KIAA0319L: variants seen among roughly 807,000 people sequenced by gnomAD.
KIAA0319L encodes dyslexia-associated protein KIAA0319-like protein.
KIAA0319L carries 55 observed loss-of-function variants against 120.1 expected under a neutral mutation model. The observed-to-expected ratio is 0.46, with a 90% CI of 0.37 to 0.57. The LOEUF is 0.57. KIAA0319L is among the 20% of genes least tolerant of loss of function. The pLI, the probability that KIAA0319L is intolerant of heterozygous loss-of-function variation, is 0.00. For missense variants in KIAA0319L, 1,049 were observed against 1,255.3 expected (o/e 0.84, Z 2.48); for synonymous variants, 398 against 471.9 (o/e 0.84, Z 2.03).
intron 2 of KIAA0319L, among the ~76,000 whole-genome samples, chr1:35,521,955 A>C (rs769226705): frequency 2.0e-5 from 3 of 152,062 alleles, no homozygotes; most frequent in Admixed American, 1.3e-4. Context: ...CCTGGGTGAC[A>C]GAGCGAGACT....
At chr1:35,504,889 C>T (rs1056065477) in intron 3 of KIAA0319L, among the ~76,000 whole-genome samples, 19 of 152,206 alleles carry the variant, frequency 1.2e-4, no homozygotes, top group Admixed American at 3.3e-4. Flanking sequence ...TCTCTTTCTC[C>T]GTTTGCCCAG....
rs565809928 is a variant in KIAA0319L at position 35,556,402 on chromosome 1, T to C, written c.-29+805A>G. The C allele has an allele frequency of 3.3e-5, 5 of 152,348 alleles. No individual in the cohort carries two copies. In the East Asian group the frequency reaches 5.8e-4, roughly 18 times the overall value. 9.4% of individuals were successfully genotyped at this position (152,348 alleles called of 1,614,324 possible). A position where few individuals can be genotyped will look rare whatever the true frequency, so the allele number is the denominator to read the frequency against. On this transcript the variant is annotated intron_variant, in intron 1 of 20. Coordinates refer to ENST00000325722, the MANE Select transcript of KIAA0319L (RefSeq NM_024874.5). ...AAACAATCTATTCAGTTGGTATGAG[T>C]AATCGAGAATAAAGCTCTTTTTTAA...
chr1:35,465,957 C>G (rs1244529044), intron 7 of KIAA0319L, among the ~76,000 whole-genome samples: 1 of 152,170 alleles, frequency 6.6e-6, no homozygotes, highest in Non-Finnish European at 1.5e-5. Flanking sequence ...GCCTCCCCAG[C>G]CACGTGGAAC....
intron 3 of KIAA0319L, among the ~76,000 whole-genome samples, chr1:35,480,486 T>A (rs1356687514): frequency 1.3e-5 from 2 of 151,944 alleles, no homozygotes; most frequent in African/African-American, 4.8e-5. Flanking sequence ...ATGGATTTTT[T>A]AAAAATCAAA....
intron 2 of KIAA0319L, among the ~76,000 whole-genome samples, chr1:35,526,384 CATACATATAT>C (rs1310854993): frequency 9.0e-6 from 1 of 110,836 alleles, no homozygotes; most frequent in African/African-American, 4.5e-5. Context: ...TATATATATA[CATACATATAT>C]ATATATATAT....
At position 35,479,019 on chromosome 1, in the gene KIAA0319L, T is replaced by C; in HGVS notation, c.860A>G (p.Tyr287Cys). 1 of 1,614,100 alleles carries C rather than the reference T, an allele frequency of 6.2e-7. No homozygotes were observed. The highest frequency in any genetic ancestry group is 8.5e-7 in the Non-Finnish European group (1 of 1,179,998). ...VPQPVAPSYS[Y>C]ATPTPQASFQ... is the part of the protein sequence containing the mutation. ...AGAGGCCTGGGGGGTAGGGGTAGCA[T>C]AACTGTAGGAGGGAGCCACTGGCTG... The change falls in exon 4 of 21, where the codon TAT (tyrosine) becomes TGT (cysteine). Residue 287 changes from tyrosine (Y) to cysteine (C), a missense_variant. Coordinates refer to ENST00000325722, the MANE Select transcript of KIAA0319L (RefSeq NM_024874.5).
chr1:35,455,920 A>T (rs1642414838), intron 10 of KIAA0319L, 93 bp downstream of exon 10: 1 of 984,422 alleles, frequency 1.0e-6, no homozygotes, highest in Non-Finnish European at 1.5e-6. Flanking sequence ...AAGGCCCCTA[A>T]AGCTTTCTCA....
intron 3 of KIAA0319L, among the ~76,000 whole-genome samples, chr1:35,482,135 T>A (rs1251028360): frequency 6.6e-6 from 1 of 152,040 alleles, no homozygotes; most frequent in Non-Finnish European, 1.5e-5. Context: ...GCTTTCTGTT[T>A]CTATAGTTTG....
At chr1:35,526,668 C>T (rs1268304708) in intron 2 of KIAA0319L, among the ~76,000 whole-genome samples, 1 of 151,964 alleles carries the variant, frequency 6.6e-6, no homozygotes, top group Non-Finnish European at 1.5e-5. Flanking sequence ...GCATGAGCCA[C>T]TGTGTCCAGA....
intron 7 of KIAA0319L, 86 bp from the exon 8 acceptor site, chr1:35,462,799 T>C (rs1642989004): frequency 9.2e-7 from 1 of 1,090,918 alleles, no homozygotes; most frequent in South Asian, 1.3e-5. Flanking sequence ...TATAAATCAA[T>C]TTCCATTACA....
intron 4 of KIAA0319L, among the ~76,000 whole-genome samples, chr1:35,477,666 C>CAAAAAAAA (rs34588440): frequency 1.3e-4 from 7 of 55,536 alleles, no homozygotes; most frequent in East Asian, 3.7e-4. Context: ...GACTCTGTCT[C>CAAAAAAAA]AAAAAAAAAA....
At chr1:35,474,732 C>T in intron 5 of KIAA0319L, 73 bp downstream of exon 5, 5 of 873,728 alleles carry the variant, frequency 5.7e-6, no homozygotes, top group Non-Finnish European at 7.6e-6. Flanking sequence ...TTGAGACCAG[C>T]CTGGACAACA....
rs904725249 is a variant in KIAA0319L, at chr1:35,545,874, G to A, written c.142+8476C>T. On this transcript the variant is annotated intron_variant, in intron 2 of 20. Transcript: ENST00000325722. ...TGTGCCACTGTACTCCAGCCTGGGCGACAGAGCAAGACTGTGCCTTGAAAA... is the reference window on the plus strand; with the variant it reads ...TGTGCCACTGTACTCCAGCCTGGGCAACAGAGCAAGACTGTGCCTTGAAAA... 1.1e-3 allele frequency among the ~76,000 whole-genome samples: 168 copies of A among 152,014 alleles called. 1 individual carries two copies. The highest frequency in any genetic ancestry group is 3.8e-3 in the African/African-American group (157 of 41,376).
intron 3 of KIAA0319L, among the ~76,000 whole-genome samples, chr1:35,504,494 C>T (rs1423328135): frequency 2.0e-5 from 3 of 152,204 alleles, no homozygotes; most frequent in Non-Finnish European, 4.4e-5. Flanking sequence ...TCACACCCAG[C>T]CAATTTTCTT....
intron 11 of KIAA0319L, 104 bp downstream of exon 11, chr1:35,454,258 C>T (rs1642274880): frequency 1.7e-6 from 2 of 1,191,792 alleles, no homozygotes; most frequent in Non-Finnish European, 2.4e-6. Context: ...TGGATCGGTG[C>T]CTTCTGCTTC....
At chr1:35,518,144 C>T (rs760109307) in intron 2 of KIAA0319L, among the ~76,000 whole-genome samples, 41 of 152,116 alleles carry the variant, frequency 2.7e-4, no homozygotes, top group Non-Finnish European at 4.7e-4. Context: ...TCAACCATTG[C>T]GGAAAGCAGT....
chr1:35,436,355 G>A lies in KIAA0319L; in HGVS notation c.2963-1274C>T, dbSNP rs529496412. ...TTGGGCAGGGAGCTTCCTCACCCGC[G>A]TTGGTGTCAGGGTTACAGTTCTGGG... On this transcript the variant is annotated intron_variant, in intron 20 of 20. Transcript: ENST00000325722. 9.8e-5 allele frequency among the ~76,000 whole-genome samples: 15 copies of A among 152,326 alleles called. No individual in the cohort carries two copies. The South Asian group carries it at 1.9e-3, about 19-fold the overall frequency.
chr1:35,462,133 G>A (rs978495279), intron 8 of KIAA0319L, among the ~76,000 whole-genome samples: 1 of 152,256 alleles, frequency 6.6e-6, no homozygotes, highest in African/African-American at 2.4e-5. Flanking sequence ...AGAGTAAAAT[G>A]TTAAGAAGCC....
At chr1:35,532,235 C>T (rs1478483124) in intron 2 of KIAA0319L, among the ~76,000 whole-genome samples, 5 of 147,954 alleles carry the variant, frequency 3.4e-5, no homozygotes, top group Middle Eastern at 3.2e-3. Context: ...AGTGAGACTC[C>T]GTCTCAAAAA....
Sources: gnomAD v4.1 joint callset for allele counts (sites outside exome capture counted in the v4.1 genomes callset) on GRCh38, gnomAD v4.1.1 for gene constraint, MANE v1.5 for transcripts, NCBI Gene and HGNC (gene_info 2026-07-23, HGNC 2026-07-21) for gene names.